MACROD2: variants seen among roughly 807,000 people sequenced by gnomAD.
MACROD2 encodes ADP-ribose glycohydrolase MACROD2.
MACROD2 carries 36 observed loss-of-function variants against 70.4 expected under a neutral mutation model. That is an observed-to-expected ratio of 0.51 (90% CI 0.39 to 0.68). MACROD2 has a LOEUF of 0.68. Among genes scored for constraint, MACROD2 ranks in the 30% least tolerant of loss-of-function variants. The pLI, the probability that MACROD2 is intolerant of heterozygous loss-of-function variation, is 0.00. For synonymous variants in MACROD2, 172 were observed against 178.8 expected, an observed-to-expected ratio of 0.96 and a Z score of 0.30; for missense variants, 496 against 538.4, an observed-to-expected ratio of 0.92 and a Z score of 0.78.
In MACROD2 at chr20:15,973,256, A is replaced by G. The variant is rs373153879; in HGVS notation, c.985+5626A>G. On this transcript the variant is annotated intron_variant, in intron 13 of 17. Transcript: ENST00000684519. ...AAAATTGTCTAAAAGAGGAAGAAAG[A>G]AAAAGAGGAAATGAGGAAGGGAATG... Among the ~76,000 whole-genome samples the G allele has an allele frequency of 2.1e-4, 32 of 152,020 alleles. 1 individual carries two copies. Among genetic ancestry groups the G allele is most frequent in the African/African-American group, 7.3e-4 (30 of 41,334 alleles).
intron 5 of MACROD2, among the ~76,000 whole-genome samples, chr20:14,778,803 C>T (rs1029166268): frequency 6.6e-6 from 1 of 152,062 alleles, no homozygotes; most frequent in Non-Finnish European, 1.5e-5. Context: ...TTCCTTGTGA[C>T]ATCTGGAATC....
intron 3 of MACROD2, among the ~76,000 whole-genome samples, chr20:14,422,969 T>A (rs1040059861): frequency 6.6e-6 from 1 of 152,218 alleles, no homozygotes; most frequent in Admixed American, 6.5e-5. Context: ...AAAACAGCCT[T>A]AGCTTTTATC....
intron 3 of MACROD2, among the ~76,000 whole-genome samples, chr20:14,369,032 C>T (rs1008918122): frequency 6.6e-6 from 1 of 152,032 alleles, no homozygotes; most frequent in Admixed American, 6.6e-5. Context: ...TTTTTAAATT[C>T]TTCGGTATAC....
chr20:14,956,662 TCAGA>T (rs1335640250), intron 5 of MACROD2, among the ~76,000 whole-genome samples: 1 of 152,172 alleles, frequency 6.6e-6, no homozygotes, highest in African/African-American at 2.4e-5. Context: ...CGATTGTAGG[TCAGA>T]CAAAGGGCTA....
intron 5 of MACROD2, among the ~76,000 whole-genome samples, chr20:14,917,073 G>T (rs778886395): frequency 6.6e-6 from 1 of 151,204 alleles, no homozygotes; most frequent in Admixed American, 6.6e-5. Context: ...TTTCTTCCTC[G>T]GGGTGGAGTG....
chr20:14,599,140 A>G (rs1236339760), intron 4 of MACROD2, among the ~76,000 whole-genome samples: 1 of 152,180 alleles, frequency 6.6e-6, no homozygotes, highest in Non-Finnish European at 1.5e-5. Flanking sequence ...TATTAAGTAT[A>G]TAAGTATGTA....
intron 4 of MACROD2, among the ~76,000 whole-genome samples, chr20:14,628,420 G>T (rs1413384697): frequency 6.6e-6 from 1 of 152,174 alleles, no homozygotes; most frequent in African/African-American, 2.4e-5. Flanking sequence ...GGAATCCTGA[G>T]ATTTGAAGGA....
chr20:15,417,644 A>G (rs954370652), intron 6 of MACROD2, among the ~76,000 whole-genome samples: 44 of 150,602 alleles, frequency 2.9e-4, no homozygotes, highest in Non-Finnish European at 5.3e-4. Flanking sequence ...GAAAAGAAAA[A>G]AAAAAGTGTG....
chr20:14,624,709 G>A (rs1984033296), intron 4 of MACROD2, among the ~76,000 whole-genome samples: 1 of 152,172 alleles, frequency 6.6e-6, no homozygotes, highest in African/African-American at 2.4e-5. Flanking sequence ...ACATGTGAGG[G>A]ACCACAGTGG....
chr20:14,337,709 T>C, intron 3 of MACROD2: 1 of 393,854 alleles, frequency 2.5e-6, no homozygotes, highest in East Asian at 3.6e-5. Context: ...CAAGATCTTG[T>C]TCAGTGAGGT....
At chr20:15,148,887 G>A (rs2076249032) in intron 5 of MACROD2, among the ~76,000 whole-genome samples, 1 of 152,010 alleles carries the variant, frequency 6.6e-6, no homozygotes, top group Non-Finnish European at 1.5e-5. Context: ...AGGTTTCACT[G>A]AATACTAAGA....
chr20:15,665,196 G>A (rs2049880237), intron 8 of MACROD2, among the ~76,000 whole-genome samples: 1 of 152,154 alleles, frequency 6.6e-6, no homozygotes, highest in Admixed American at 6.5e-5. Context: ...TTGAATTAAT[G>A]TTAATTTGGT....
At chr20:14,673,029 A>C (rs942124519) in intron 4 of MACROD2, among the ~76,000 whole-genome samples, 1 of 152,180 alleles carries the variant, frequency 6.6e-6, no homozygotes, top group African/African-American at 2.4e-5. Flanking sequence ...CTTATGCCCA[A>C]GATATTTCAT....
At chr20:14,561,397 A>G (rs1450401197) in intron 4 of MACROD2, among the ~76,000 whole-genome samples, 1 of 151,858 alleles carries the variant, frequency 6.6e-6, no homozygotes, top group Admixed American at 6.6e-5. Context: ...TTAGGAAAAT[A>G]TTTTGAAATA....
intron 12 of MACROD2, among the ~76,000 whole-genome samples, chr20:15,943,996 C>A (rs2065786260): frequency 6.6e-6 from 1 of 151,984 alleles, no homozygotes; most frequent in South Asian, 2.1e-4. Context: ...TTAGAAGTTC[C>A]TCAAAGGCAT....
chr20:14,053,879 A>G (rs754742265), intron 2 of MACROD2, among the ~76,000 whole-genome samples: 1 of 152,126 alleles, frequency 6.6e-6, no homozygotes, highest in Non-Finnish European at 1.5e-5. Flanking sequence ...AAATTTTTAA[A>G]TAGTAAATAT....
chr20:14,031,898 A>C (rs1443754658), intron 2 of MACROD2, among the ~76,000 whole-genome samples: 1 of 152,140 alleles, frequency 6.6e-6, no homozygotes, highest in Non-Finnish European at 1.5e-5. Context: ...AAGAGGCAAA[A>C]ACACTATGAA....
chr20:15,288,879 A>G (rs977235733), intron 6 of MACROD2, among the ~76,000 whole-genome samples: 4 of 150,680 alleles, frequency 2.7e-5, no homozygotes, highest in South Asian at 2.1e-4. Context: ...CTATCTATCT[A>G]TCTATCTATC....
At chr20:15,416,270 C>A (rs563988413) in intron 6 of MACROD2, among the ~76,000 whole-genome samples, 1 of 152,212 alleles carries the variant, frequency 6.6e-6, no homozygotes, top group African/African-American at 2.4e-5. Flanking sequence ...CAATCAATTT[C>A]TTTCTCCTTT....
Sources: allele counts gnomAD v4.1 joint callset (sites outside exome capture counted in the v4.1 genomes callset), GRCh38; gene constraint gnomAD v4.1.1; transcripts MANE v1.5; gene names NCBI Gene and HGNC (gene_info 2026-07-23, HGNC 2026-07-21).